The following CAPZA1 variants were observed in gnomAD, a reference collection of about 807,000 sequenced individuals.
CAPZA1 encodes the protein capping actin protein of muscle Z-line subunit alpha 1, also known as F-actin-capping protein subunit alpha-1.
In CAPZA1, 10 loss-of-function variants were observed where a neutral mutation model predicts 40.8. The ratio of observed to expected loss-of-function variants is 0.25; its 90% CI spans 0.15 to 0.42. The LOEUF is 0.42. Ranked by LOEUF, CAPZA1 falls within the 10% of genes least tolerant of loss-of-function variation. The pLI, the probability that CAPZA1 is intolerant of heterozygous loss-of-function variation, is 1.00. For missense variants in CAPZA1, 277 were observed against 353.8 expected, an observed-to-expected ratio of 0.78 and a Z score of 1.74; for synonymous variants, 98 against 115.0, an observed-to-expected ratio of 0.85 and a Z score of 0.95.
intron 2 of CAPZA1, 120 bp from the exon 3 acceptor site, chr1:112,649,298 C>T (rs1024850544): frequency 8.7e-6 from 6 of 693,274 alleles, no homozygotes; most frequent in Non-Finnish European, 1.3e-5. Flanking sequence ...AATTTCTACT[C>T]ATATAGTACA....
chr1:112,659,598 CT>C, intron 6 of CAPZA1, 102 bp from the exon 7 acceptor site: 6 of 584,246 alleles, frequency 1.0e-5, no homozygotes, highest in Middle Eastern at 5.1e-4. Context: ...TTTTTTTTTT[CT>C]TTTTTTGCAC....
At chr1:112,623,715 C>T (rs1359094216) in intron 1 of CAPZA1, among the ~76,000 whole-genome samples, 2 of 149,406 alleles carry the variant, frequency 1.3e-5, no homozygotes, top group East Asian at 2.0e-4. Flanking sequence ...AGCCCGGGCG[C>T]GGTGGTTCAT....
rs761052774 is a variant in CAPZA1 at position 112,619,891 on chromosome 1, G to A, written c.39+8G>A. The A allele has an allele frequency of 3.1e-6, 5 of 1,607,592 alleles. No homozygotes were observed. Among genetic ancestry groups the A allele is most frequent in the Middle Eastern group, 1.7e-4 (1 of 5,990 alleles). On this transcript the variant is annotated splice_region_variant and intron_variant, in intron 1 of 9. Transcript: ENST00000263168. ...GTGTCGGATGAGGAGAAGGTAAGGG[G>A]TCCGCCTCTCTCTCTTACCTCCTCC... is the stretch of plus-strand genomic sequence containing the variant.
intron 1 of CAPZA1, among the ~76,000 whole-genome samples, chr1:112,630,626 A>G: frequency 6.6e-6 from 1 of 152,086 alleles, no homozygotes; most frequent in East Asian, 1.9e-4. Flanking sequence ...TATAGAAGTG[A>G]GCCACTGCAC....
intron 1 of CAPZA1, among the ~76,000 whole-genome samples, chr1:112,630,148 TC>T (rs1670892296): frequency 6.6e-6 from 1 of 152,000 alleles, no homozygotes; most frequent in South Asian, 2.1e-4. Flanking sequence ...GCTCAAGTGA[TC>T]CTCCCACCTC....
At chr1:112,632,465 A>T (rs1418435995) in intron 1 of CAPZA1, among the ~76,000 whole-genome samples, 1 of 152,090 alleles carries the variant, frequency 6.6e-6, no homozygotes, top group Non-Finnish European at 1.5e-5. Flanking sequence ...CAGTTCAAAG[A>T]CTTACACATC....
chr1:112,654,574 C>A lies in CAPZA1; in HGVS notation c.329C>A (p.Pro110Gln). The A allele has an allele frequency of 6.2e-7, 1 of 1,613,876 alleles. No homozygotes were observed. Among genetic ancestry groups the A allele is most frequent in the Non-Finnish European group, 8.5e-7 (1 of 1,179,806 alleles). ...HLRKEASDPQ[P>Q]EEADGGLKSW... ...CGGAAAGAAGCAAGTGACCCCCAGC[C>A]AGAAGAAGCAGATGGAGGTCTGAAG... Residue 110 changes from proline (P) to glutamine (Q), a missense_variant, in exon 5 of 10, where the codon CCA (proline) becomes CAA (glutamine). Coordinates refer to ENST00000263168, the MANE Select transcript of CAPZA1 (RefSeq NM_006135.3).
intron 3 of CAPZA1, chr1:112,649,751 G>A (rs1476223211): frequency 2.4e-6 from 1 of 415,414 alleles, no homozygotes; most frequent in East Asian, 4.8e-5. Context: ...CTTTATAGTT[G>A]TTCTAGTTCG....
At chr1:112,635,535 G>A (rs1347299637) in intron 1 of CAPZA1, among the ~76,000 whole-genome samples, 2 of 146,452 alleles carry the variant, frequency 1.4e-5, no homozygotes, top group East Asian at 4.0e-4. Context: ...AAGTTCGTTT[G>A]TATGTGTTTG....
At chr1:112,644,880 G>A (rs1671252511) in intron 1 of CAPZA1, among the ~76,000 whole-genome samples, 1 of 152,172 alleles carries the variant, frequency 6.6e-6, no homozygotes, top group Non-Finnish European at 1.5e-5. Flanking sequence ...CATTCTGGAG[G>A]ATCTTACATC....
intron 1 of CAPZA1, among the ~76,000 whole-genome samples, chr1:112,623,714 G>A (rs1170471553): frequency 5.4e-5 from 8 of 149,166 alleles, no homozygotes; most frequent in African/African-American, 1.2e-4. Context: ...AAGCCCGGGC[G>A]CGGTGGTTCA....
chr1:112,630,276 C>T (rs182763100), intron 1 of CAPZA1, among the ~76,000 whole-genome samples: 128 of 152,206 alleles, frequency 8.4e-4, no homozygotes, highest in African/African-American at 3.0e-3. Context: ...GGATTACAGG[C>T]ATGAGCCACT....
At chr1:112,632,562 A>G (rs373401952) in intron 1 of CAPZA1, among the ~76,000 whole-genome samples, 2 of 150,546 alleles carry the variant, frequency 1.3e-5, no homozygotes, top group African/African-American at 4.9e-5. Flanking sequence ...AGACAGGGGG[A>G]TGTGGGGCAG....
Position 112,665,222 on chromosome 1 carries a change from G to C in CAPZA1, c.586-1852G>C, listed in dbSNP as rs191812055. On this transcript the variant is annotated intron_variant, in intron 7 of 9. Coordinates refer to ENST00000263168, the MANE Select transcript of CAPZA1 (RefSeq NM_006135.3). Reference sequence around the variant, plus strand: ...GACAGAGTCTTACTCTGTCACCCAGGCTGGAATGCAGTGGCATGATCTTGG... The same window carrying C: ...GACAGAGTCTTACTCTGTCACCCAGCCTGGAATGCAGTGGCATGATCTTGG... Among the ~76,000 whole-genome samples the C allele has an allele frequency of 3.6e-3, 535 of 148,150 alleles. 2 individuals are homozygous for C. Among genetic ancestry groups the C allele is most frequent in the Non-Finnish European group, 5.9e-3 (400 of 67,258 alleles).
intron 1 of CAPZA1, among the ~76,000 whole-genome samples, chr1:112,630,954 G>A (rs1364592814): frequency 2.0e-5 from 3 of 152,156 alleles, no homozygotes; most frequent in Non-Finnish European, 4.4e-5. Context: ...ATTAGCTTAA[G>A]GTAGTGGCTG....
In CAPZA1 at chr1:112,669,972, T is replaced by C; in HGVS notation, c.721-20T>C. The C allele has an allele frequency of 6.2e-7, 1 of 1,613,366 alleles. No individual in the cohort carries two copies. The highest frequency in any genetic ancestry group is 1.7e-4 in the Middle Eastern group (1 of 6,048). ...GCCCCATTTCTGTTCAAGCAACTCA[T>C]CTTCAATTATCTATTGCAGACAGCA... On this transcript the variant is annotated intron_variant, in intron 9 of 9. Coordinates refer to ENST00000263168, the MANE Select transcript of CAPZA1 (RefSeq NM_006135.3).
At chr1:112,619,912 C>T in intron 1 of CAPZA1, 29 bp downstream of exon 1, 1 of 1,579,012 alleles carries the variant, frequency 6.3e-7, no homozygotes, top group Admixed American at 1.8e-5. Context: ...TCTCTTACCT[C>T]CTCCCCCGAC....
intron 2 of CAPZA1, among the ~76,000 whole-genome samples, chr1:112,648,748 A>G (rs1007354223): frequency 6.6e-6 from 1 of 150,778 alleles, no homozygotes; most frequent in Non-Finnish European, 1.5e-5. Flanking sequence ...AGATCGCCTT[A>G]GGTCAGGAGT....
At chr1:112,669,459 A>G (rs1671787138) in intron 8 of CAPZA1, 84 bp from the exon 9 acceptor site, 2 of 905,848 alleles carry the variant, frequency 2.2e-6, no homozygotes, top group Non-Finnish European at 1.8e-6. Flanking sequence ...TACAAATGTT[A>G]GTTAAGATGG....
Sources: allele counts gnomAD v4.1 joint callset (sites outside exome capture counted in the v4.1 genomes callset), GRCh38; gene constraint gnomAD v4.1.1; transcripts MANE v1.5; gene names NCBI Gene and HGNC (gene_info 2026-07-23, HGNC 2026-07-21).